The following ANO4 variants were observed in gnomAD, a reference collection of about 807,000 sequenced individuals.
ANO4 encodes the protein anoctamin-4.
In ANO4, 69 loss-of-function variants were observed where a neutral mutation model predicts 141.9. That is an observed-to-expected ratio of 0.49 (90% CI 0.40 to 0.59). ANO4 has a LOEUF of 0.59. Ranked by LOEUF, ANO4 falls within the 20% of genes least tolerant of loss-of-function variation. The pLI is 0.00. For synonymous variants in ANO4, 350 were observed against 394.3 expected (o/e 0.89, Z 1.33); for missense variants, 894 against 1,162.2 (o/e 0.77, Z 3.36).
At chr12:101,122,231 G>C (rs895069653) in intron 26 of ANO4, among the ~76,000 whole-genome samples, 1 of 151,932 alleles carries the variant, frequency 6.6e-6, no homozygotes, top group Non-Finnish European at 1.5e-5. Flanking sequence ...CTTTTTAATG[G>C]GGTTATTTGT....
chr12:100,749,884 T>C (rs1442171159), intron 3 of ANO4, among the ~76,000 whole-genome samples: 1 of 152,190 alleles, frequency 6.6e-6, no homozygotes, highest in Non-Finnish European at 1.5e-5. Flanking sequence ...AAAGGGATAA[T>C]GCGAGGGACA....
At chr12:100,830,603 G>A (rs1004677373) in intron 1 of ANO4, among the ~76,000 whole-genome samples, 11 of 151,894 alleles carry the variant, frequency 7.2e-5, no homozygotes, top group East Asian at 3.9e-4. Context: ...GAACTGCCCC[G>A]GGACTGCTTC....
intron 3 of ANO4, among the ~76,000 whole-genome samples, chr12:100,753,815 G>A (rs947434773): frequency 1.3e-5 from 2 of 152,108 alleles, no homozygotes; most frequent in Admixed American, 6.5e-5. Flanking sequence ...CTTTTGTTCC[G>A]ACTTTTCCCC....
chr12:100,789,772 A>T (rs1295174270), intron 3 of ANO4, among the ~76,000 whole-genome samples: 1 of 152,210 alleles, frequency 6.6e-6, no homozygotes, highest in Non-Finnish European at 1.5e-5. Context: ...TCCTTTCTTC[A>T]AAGTGCTTTG....
At position 100,772,182 on chromosome 12, in the gene ANO4, T is replaced by C. The variant is rs536765194; in HGVS notation, c.358+32077T>C. ...TATTACCACCATAAGAACATTCAGT[T>C]TGGTACTAGTTGAGGAAGCATGACA... On this transcript the variant is annotated intron_variant, in intron 3 of 29. Coordinates refer to the ANO4 transcript ENST00000644049. 6.6e-5 allele frequency among the ~76,000 whole-genome samples: 10 copies of C among 152,266 alleles called. No individual in the cohort carries two copies. The East Asian group carries it at 1.5e-3, about 24-fold the overall frequency.
intron 3 of ANO4, among the ~76,000 whole-genome samples, chr12:100,777,092 AT>A (rs34753022): frequency 0.3 from 38,630 of 128,318 alleles, 6,112 homozygotes; most frequent in East Asian, 0.76. Context: ...AGATATCCTG[AT>A]TTTTTTTTTT....
intron 9 of ANO4, among the ~76,000 whole-genome samples, chr12:101,020,611 G>A (rs948834177): frequency 3.9e-5 from 6 of 152,208 alleles, no homozygotes; most frequent in African/African-American, 1.4e-4. Flanking sequence ...TTTGAACTGA[G>A]ACCTGAATGC....
chr12:100,975,952 A>C (rs1365065384), intron 7 of ANO4, among the ~76,000 whole-genome samples: 2 of 146,646 alleles, frequency 1.4e-5, no homozygotes, highest in African/African-American at 5.0e-5. Context: ...AAAGAAAAAA[A>C]AAACCCACCA....
intron 24 of ANO4, among the ~76,000 whole-genome samples, chr12:101,113,585 T>A (rs1273210327): frequency 6.6e-6 from 1 of 152,228 alleles, no homozygotes; most frequent in East Asian, 1.9e-4. Flanking sequence ...AATTTATGTA[T>A]GTTTCTTCAT....
chr12:100,874,284 G>A lies in ANO4; in HGVS notation c.-140-27362G>A, dbSNP rs186853847. Among the ~76,000 whole-genome samples the A allele has an allele frequency of 9.2e-5, 14 of 152,316 alleles. No individual in the cohort carries two copies. The East Asian group carries it at 2.5e-3, about 27-fold the overall frequency. On this transcript the variant is annotated intron_variant, in intron 1 of 27. Coordinates refer to ENST00000392977, the MANE Select transcript of ANO4 (RefSeq NM_001286615.2). ...ACTGCCTTGTGGAGCTGTGAGAAGA[G>A]GGCCACTGTCCTCTGGAACCCAGAA...
chr12:101,037,155 T>C lies in ANO4; in HGVS notation c.897+5T>C, dbSNP rs776868675. 1 of 1,613,648 alleles carries C rather than the reference T, an allele frequency of 6.2e-7. No homozygotes were observed. Among genetic ancestry groups the C allele is most frequent in the Non-Finnish European group, 8.5e-7 (1 of 1,179,652 alleles). ...GCTGCGTTTCCCCTGCATGAGGTATTGTGCTGTCTTTAATCTTTATCTTTC... is the reference window on the plus strand; with the variant it reads ...GCTGCGTTTCCCCTGCATGAGGTATCGTGCTGTCTTTAATCTTTATCTTTC... On this transcript the variant is annotated splice_donor_5th_base_variant and intron_variant, in intron 10 of 27. Coordinates refer to ENST00000392977, the MANE Select transcript of ANO4 (RefSeq NM_001286615.2).
chr12:100,772,734 A>G (rs999661966), intron 3 of ANO4, among the ~76,000 whole-genome samples: 1 of 152,206 alleles, frequency 6.6e-6, no homozygotes, highest in Non-Finnish European at 1.5e-5. Context: ...TCAGCCTTTC[A>G]TTCTTCCTGG....
At chr12:100,820,193 C>G (rs116093749) in intron 1 of ANO4, among the ~76,000 whole-genome samples, 2,291 of 151,924 alleles carry the variant, frequency 0.015, 44 homozygotes, top group African/African-American at 0.052. Flanking sequence ...GGGGGGCCCT[C>G]CCACCTGACC....
intron 9 of ANO4, among the ~76,000 whole-genome samples, chr12:101,025,320 A>G (rs185927944): frequency 6.6e-6 from 1 of 152,378 alleles, no homozygotes; most frequent in African/African-American, 2.4e-5. Context: ...GTTTCTAGAC[A>G]GCACCATGAA....
At chr12:101,031,483 T>C (rs897043780) in intron 9 of ANO4, among the ~76,000 whole-genome samples, 1 of 152,178 alleles carries the variant, frequency 6.6e-6, no homozygotes, top group African/African-American at 2.4e-5. Context: ...TTATATTGAA[T>C]GGGCAAAAGC....
At chr12:100,978,720 G>A (rs560039280) in intron 7 of ANO4, among the ~76,000 whole-genome samples, 38 of 152,332 alleles carry the variant, frequency 2.5e-4, no homozygotes, top group African/African-American at 8.9e-4. Context: ...GCACTTAGCA[G>A]CTATTTGGAA....
intron 1 of ANO4, among the ~76,000 whole-genome samples, chr12:100,732,769 G>T (rs2031433733): frequency 6.6e-6 from 1 of 152,166 alleles, no homozygotes; most frequent in Non-Finnish European, 1.5e-5. Context: ...GTGACCTTGG[G>T]CACGGCACTC....
intron 1 of ANO4, among the ~76,000 whole-genome samples, chr12:100,726,644 T>C (rs1284542611): frequency 6.6e-6 from 1 of 152,228 alleles, no homozygotes; most frequent in Non-Finnish European, 1.5e-5. Context: ...GTGGTGCAGC[T>C]GCTGCTGTTC....
At chr12:101,095,275 G>A (rs185101383) in intron 18 of ANO4, among the ~76,000 whole-genome samples, 2 of 130,638 alleles carry the variant, frequency 1.5e-5, no homozygotes, top group Admixed American at 7.5e-5. Flanking sequence ...ATCACCACCA[G>A]TTCTTGCCCA....
Sources: gnomAD v4.1 joint callset for allele counts (sites outside exome capture counted in the v4.1 genomes callset) on GRCh38, gnomAD v4.1.1 for gene constraint, MANE v1.5 for transcripts, NCBI Gene and HGNC (gene_info 2026-07-23, HGNC 2026-07-21) for gene names.